The following TRIM66 variants were observed in gnomAD, a reference collection of about 807,000 sequenced individuals.
TRIM66 encodes the protein tripartite motif-containing protein 66.
In TRIM66, 99 loss-of-function variants were observed where a neutral mutation model predicts 148.2. The observed-to-expected ratio is 0.67, with a 90% CI of 0.57 to 0.79. The LOEUF is 0.79. Ranked by LOEUF, TRIM66 falls within the 30% of genes least tolerant of loss-of-function variation. The pLI is 0.00. For missense variants in TRIM66, 1,666 were observed against 1,697.9 expected (o/e 0.98, Z 0.33); for synonymous variants, 616 against 635.9 (o/e 0.97, Z 0.47).
chr11:8,669,592 G>A (rs1175229420), intron 6 of TRIM66, among the ~76,000 whole-genome samples: 2 of 150,934 alleles, frequency 1.3e-5, no homozygotes, highest in Non-Finnish European at 2.9e-5. Context: ...GCAGTGAGCC[G>A]AGATCGCACC....
intron 15 of TRIM66, among the ~76,000 whole-genome samples, chr11:8,626,665 T>C (rs1443959578): frequency 6.6e-6 from 1 of 152,224 alleles, no homozygotes; most frequent in Non-Finnish European, 1.5e-5. Context: ...GCCTCTTCAA[T>C]GGAGAAGTAT....
At position 8,621,266 on chromosome 11, in the gene TRIM66, T is replaced by A; in HGVS notation, c.3311A>T (p.Lys1104Met). The change falls in exon 20 of 25, where the codon AAG becomes ATG. Residue 1104 changes from lysine (K) to methionine (M), a missense_variant. Around this residue, in one of 3 missense-constraint regions of TRIM66, gnomAD observed 1,431 missense variants for 1,412.4 expected, o/e 1.01. Coordinates refer to ENST00000646038, the MANE Select transcript of TRIM66 (RefSeq NM_001388022.1). ...ATQAPGLEGRKVTVTSLAGQR... is the reference protein window; with the variant it reads ...ATQAPGLEGRMVTVTSLAGQR... ...CCCAGCCAAAGAAGTGACAGTGACC[T>A]TTCTTCCCTCCAGACCTGGGGCCTG... The A allele has an allele frequency of 6.4e-7, 1 of 1,551,656 alleles. No homozygotes were observed. Among genetic ancestry groups the A allele is most frequent in the African/African-American group, 1.4e-5 (1 of 73,150 alleles).
chr11:8,642,873 TGC>T, intron 13 of TRIM66, 134 bp downstream of exon 13: 1 of 305,666 alleles, frequency 3.3e-6, no homozygotes, highest in Non-Finnish European at 5.7e-6. Context: ...AAAAAAGGTT[TGC>T]TGAATGATTC....
chr11:8,621,304 C>G lies in TRIM66; in HGVS notation c.3273G>C (p.Leu1091=), dbSNP rs955893505. 3.2e-6 allele frequency: 5 copies of G among 1,551,280 alleles called. No homozygotes were observed. The African/African-American group carries it at 6.8e-5, about 21-fold the overall frequency. Residue 1091 remains leucine (L), a synonymous_variant, in exon 20 of 25, where the codon CTG becomes CTC. Transcript: ENST00000646038. ...GACCTGGGGCCTGGGTGGCCTCAGA[C>G]AGTCTGTCCTGGCTGACCTTGGGGA... is the stretch of plus-strand genomic sequence containing the variant. The part of the protein sequence containing the change: ...SMSIKVSQDR[L]SEATQAPGLE...
At chr11:8,682,903 C>A (rs2039512409), upstream of TRIM66, 2 of 1,486,746 alleles carry the variant, frequency 1.3e-6, no homozygotes, top group Admixed American at 2.1e-5. Flanking sequence ...CCACTCCCTA[C>A]CATGGTCGGG....
chr11:8,667,536 C>A (rs2133449049), intron 6 of TRIM66, among the ~76,000 whole-genome samples: 1 of 152,256 alleles, frequency 6.6e-6, no homozygotes, highest in South Asian at 2.1e-4. Flanking sequence ...AAAAAATGGG[C>A]AAACTGAAAC....
At chr11:8,629,701 G>A (rs530102906) in intron 15 of TRIM66, among the ~76,000 whole-genome samples, 9 of 152,326 alleles carry the variant, frequency 5.9e-5, no homozygotes, top group African/African-American at 2.2e-4. Flanking sequence ...TGAACCTGAT[G>A]AACCTGGTCC....
chr11:8,677,345 C>T (rs1437419522), intron 3 of TRIM66, among the ~76,000 whole-genome samples: 1 of 152,154 alleles, frequency 6.6e-6, no homozygotes, highest in Admixed American at 6.5e-5. Context: ...ACTTGCCTGG[C>T]ACCTAGCATA....
intron 14 of TRIM66, 70 bp downstream of exon 14, chr11:8,640,157 G>T: frequency 7.0e-7 from 1 of 1,425,956 alleles, no homozygotes; most frequent in Non-Finnish European, 9.5e-7. Context: ...CCTTGTTTTT[G>T]GGGAGGCTGT....
chr11:8,663,546 G>C (rs914868369), intron 6 of TRIM66, among the ~76,000 whole-genome samples: 4 of 151,820 alleles, frequency 2.6e-5, no homozygotes, highest in Non-Finnish European at 5.9e-5. Context: ...TCTTCCCCCT[G>C]CCCCCCCACA....
chr11:8,622,365 C>CATATATATATATATATATAT (rs1217954064), intron 18 of TRIM66, among the ~76,000 whole-genome samples: 16 of 59,506 alleles, frequency 2.7e-4, no homozygotes, highest in South Asian at 1.1e-3. Context: ...CACACACACA[C>CATATATATATATATATATAT]ATATATATAT....
chr11:8,622,709 A>G (rs1365760089), intron 18 of TRIM66, 107 bp downstream of exon 18: 6 of 1,087,620 alleles, frequency 5.5e-6, no homozygotes, highest in Non-Finnish European at 8.2e-6. Flanking sequence ...AGTTGCAGGC[A>G]AATTTCTTCC....
intron 4 of TRIM66, among the ~76,000 whole-genome samples, 164 bp downstream of exon 4, chr11:8,674,642 G>A (rs979270124): frequency 3.3e-5 from 5 of 151,768 alleles, no homozygotes; most frequent in East Asian, 1.9e-4. Context: ...CATTTTGGCC[G>A]CCCGAAGTGC....
chr11:8,635,883 T>C (rs2035836721), intron 15 of TRIM66, among the ~76,000 whole-genome samples: 2 of 152,210 alleles, frequency 1.3e-5, no homozygotes, highest in Admixed American at 1.3e-4. Flanking sequence ...GCTCTGTGTA[T>C]AGGAACAGAA....
chr11:8,660,899 C>T (rs1285512021), intron 6 of TRIM66, among the ~76,000 whole-genome samples: 5 of 152,184 alleles, frequency 3.3e-5, no homozygotes, highest in Admixed American at 2.6e-4. Flanking sequence ...TTTGGAAAGT[C>T]TTGTAAGGCT....
chr11:8,654,085 AC>A (rs2037603910), intron 6 of TRIM66, among the ~76,000 whole-genome samples: 1 of 152,186 alleles, frequency 6.6e-6, no homozygotes, highest in Non-Finnish European at 1.5e-5. Flanking sequence ...AGATGCCCAA[AC>A]ATCAGTCATT....
At position 8,677,916 on chromosome 11, in the gene TRIM66, T is replaced by C. The variant is rs2039252496; in HGVS notation, c.-190+1704A>G. ...AAAAATTCCTAATCTTCCAATTAGATTATTTTTACTTTGTGCTGAAGAAAA... is the reference window on the plus strand; with the variant it reads ...AAAAATTCCTAATCTTCCAATTAGACTATTTTTACTTTGTGCTGAAGAAAA... On this transcript the variant is annotated intron_variant, in intron 3 of 24. Transcript: ENST00000646038. 2.6e-5 allele frequency among the ~76,000 whole-genome samples: 4 copies of C among 152,336 alleles called. No individual in the cohort carries two copies. In the South Asian group the frequency reaches 8.3e-4, roughly 32 times the overall value.
chr11:8,648,547 T>G lies in TRIM66; in HGVS notation c.594A>C (p.Gly198=). The change falls in exon 9 of 25, where the codon GGA becomes GGC. Residue 198 remains glycine, a splice_region_variant and synonymous_variant. Coordinates refer to ENST00000646038, the MANE Select transcript of TRIM66 (RefSeq NM_001388022.1). ...FFPRAQKGSP[G]VNGGPGDFTL... is the part of the protein sequence containing the mutation. ...TGAAGTCTCCGGGACCACCATTCAC[T>G]CCTGCCAGAGAAGACAGAGAAAGTG... is the stretch of plus-strand genomic sequence containing the variant. 2 of 1,551,644 alleles carry G rather than the reference T, an allele frequency of 1.3e-6. No homozygotes were observed. The highest frequency in any genetic ancestry group is 1.7e-6 in the Non-Finnish European group (2 of 1,146,966).
At chr11:8,665,611 A>G (rs2038537515) in intron 6 of TRIM66, among the ~76,000 whole-genome samples, 1 of 152,190 alleles carries the variant, frequency 6.6e-6, no homozygotes, top group South Asian at 2.1e-4. Context: ...AGAGACAGAC[A>G]CACAAACCAA....
Sources: gnomAD v4.1 joint callset for allele counts (sites outside exome capture counted in the v4.1 genomes callset) on GRCh38, gnomAD v4.1.1 for gene constraint, gnomAD v4.1.1 regional missense constraint, MANE v1.5 for transcripts, NCBI Gene and HGNC (gene_info 2026-07-23, HGNC 2026-07-21) for gene names.